CFAP43: variants seen among roughly 807,000 people sequenced by gnomAD.
CFAP43 encodes the protein cilia- and flagella-associated protein 43.
Under a neutral mutation model 218.9 loss-of-function variants are expected in CFAP43, and 155 were observed. The observed-to-expected ratio is 0.71, with a 90% CI of 0.62 to 0.81. The LOEUF (loss-of-function observed/expected upper bound fraction) is 0.81. Ranked by LOEUF, CFAP43 falls within the 30% of genes least tolerant of loss-of-function variation. The probability of loss-of-function intolerance (pLI) is 0.00; values close to 1 mark genes in which losing one functional copy is unlikely to be tolerated. For synonymous variants in CFAP43, 645 were observed against 681.3 expected, an observed-to-expected ratio of 0.95 and a Z score of 0.83; for missense variants, 1,778 against 1,954.3, an observed-to-expected ratio of 0.91 and a Z score of 1.70.
At chr10:104,209,057 T>C (rs1049492724) in intron 5 of CFAP43, among the ~76,000 whole-genome samples, 1 of 152,202 alleles carries the variant, frequency 6.6e-6, no homozygotes, top group East Asian at 1.9e-4. Flanking sequence ...CCACAACTTA[T>C]CCATTTTTAA....
At chr10:104,164,328 A>C in intron 23 of CFAP43, 28 bp from the exon 24 acceptor site, 1 of 1,434,642 alleles carries the variant, frequency 7.0e-7, no homozygotes, top group Non-Finnish European at 9.6e-7. Context: ...TACTGAAAAC[A>C]CATCACATAT....
In CFAP43 at chr10:104,226,765, A is replaced by G. The variant is rs1669103013; in HGVS notation, c.320-1208T>C. 2.0e-5 allele frequency among the ~76,000 whole-genome samples: 3 copies of G among 152,270 alleles called. No individual in the cohort carries two copies. In the South Asian group the frequency reaches 6.2e-4, roughly 32 times the overall value. On this transcript the variant is annotated intron_variant, in intron 2 of 37. Transcript: ENST00000357060. Reference sequence around the variant, plus strand: ...CCGGGCGAGATGGCTCACACCTGAAATCCCAGCACTTTGGGAGGGGAAGGC... The same window carrying G: ...CCGGGCGAGATGGCTCACACCTGAAGTCCCAGCACTTTGGGAGGGGAAGGC...
chr10:104,161,185 A>C (rs775101314), intron 26 of CFAP43, 23 bp from the exon 27 acceptor site: 9 of 1,609,314 alleles, frequency 5.6e-6, no homozygotes, highest in African/African-American at 1.3e-5. Flanking sequence ...AGAAAAGCAT[A>C]TATTTCAGCT....
chr10:104,232,331 C>A lies in CFAP43; in HGVS notation c.-85G>T. 2 of 1,321,356 alleles carry A rather than the reference C, an allele frequency of 1.5e-6. No homozygotes were observed. The highest frequency in any genetic ancestry group is 3.0e-5 in the South Asian group (2 of 67,114). The allele number at this position is 1,321,356 out of a possible 1,614,324, so 81.9% of individuals were successfully genotyped here. ...TTACCTTTCCGCCGCCGCGGGGCTG[C>A]GGGCCGCGACGCCGCTGCTGTGTAC... On this transcript the variant is annotated 5_prime_UTR_variant, in exon 1 of 38. Coordinates refer to ENST00000357060, the MANE Select transcript of CFAP43 (RefSeq NM_025145.7).
At chr10:104,193,760 C>A in intron 11 of CFAP43, 106 bp downstream of exon 11, 1 of 1,403,650 alleles carries the variant, frequency 7.1e-7, no homozygotes, top group Non-Finnish European at 9.5e-7. Context: ...ACATTCAAAA[C>A]AAATGAAACA....
intron 13 of CFAP43, 60 bp from the exon 14 acceptor site, chr10:104,187,552 A>T (rs1030875387): frequency 3.6e-5 from 49 of 1,372,514 alleles, no homozygotes; most frequent in Admixed American, 5.5e-5. Context: ...TTGTTTTTTT[A>T]AAATTATGAA....
chr10:104,168,415 C>G (rs1341486918), intron 21 of CFAP43, among the ~76,000 whole-genome samples: 1 of 152,138 alleles, frequency 6.6e-6, no homozygotes, highest in Non-Finnish European at 1.5e-5. Context: ...AAACATGAAC[C>G]AGATTTCGTC....
intron 12 of CFAP43, among the ~76,000 whole-genome samples, chr10:104,190,135 CAA>C (rs59257656): frequency 0.078 from 3,971 of 50,596 alleles, 23 homozygotes; most frequent in Middle Eastern, 0.11. Flanking sequence ...GACTCCATCT[CAA>C]AAAAAAAAAA....
At chr10:104,167,183 T>C (rs1017738253) in intron 22 of CFAP43, among the ~76,000 whole-genome samples, 22 of 152,320 alleles carry the variant, frequency 1.4e-4, no homozygotes, top group African/African-American at 5.3e-4. Context: ...GGCAGTGTTT[T>C]TTTAGTGGTT....
At chr10:104,171,225 T>C (rs1044229646) in intron 20 of CFAP43, among the ~76,000 whole-genome samples, 6 of 152,194 alleles carry the variant, frequency 3.9e-5, no homozygotes, top group African/African-American at 1.4e-4. Context: ...TTTATTCTAT[T>C]CCCAGCACCT....
intron 3 of CFAP43, among the ~76,000 whole-genome samples, chr10:104,216,542 A>G (rs1309089729): frequency 6.6e-6 from 1 of 152,148 alleles, no homozygotes; most frequent in African/African-American, 2.4e-5. Flanking sequence ...TCCTGGGGAC[A>G]ATCACGACAA....
At chr10:104,179,808 T>C (rs760565670) in intron 18 of CFAP43, 32 bp downstream of exon 18, 3 of 1,535,374 alleles carry the variant, frequency 2.0e-6, no homozygotes, top group South Asian at 2.3e-5. Context: ...TACAGAGCAC[T>C]ATTTCAAACC....
chr10:104,134,044 A>G (rs1251590430), intron 34 of CFAP43, among the ~76,000 whole-genome samples: 1 of 152,138 alleles, frequency 6.6e-6, no homozygotes, highest in East Asian at 1.9e-4. Context: ...TTAGGCAGGA[A>G]CTTTTTTTTG....
intron 4 of CFAP43, among the ~76,000 whole-genome samples, chr10:104,213,684 C>T (rs775973261): frequency 1.3e-5 from 2 of 151,970 alleles, no homozygotes; most frequent in African/African-American, 2.4e-5. Flanking sequence ...TACAAGCATG[C>T]GCCACCATGC....
chr10:104,184,462 C>CTTTTTTTT (rs34684487), intron 16 of CFAP43, among the ~76,000 whole-genome samples: 25 of 142,080 alleles, frequency 1.8e-4, no homozygotes, highest in Non-Finnish European at 1.7e-4. Flanking sequence ...TTAACTATGT[C>CTTTTTTTT]TTTTTTTTTT....
At chr10:104,145,739 G>T (rs901506006) in intron 30 of CFAP43, among the ~76,000 whole-genome samples, 175 bp from the exon 31 acceptor site, 1 of 152,160 alleles carries the variant, frequency 6.6e-6, no homozygotes, top group African/African-American at 2.4e-5. Context: ...TCAAAGATTT[G>T]TTTTGATAAG....
At chr10:104,180,069 G>T in intron 17 of CFAP43, 137 bp from the exon 18 acceptor site, 1 of 679,522 alleles carries the variant, frequency 1.5e-6, no homozygotes, top group Non-Finnish European at 2.5e-6. Flanking sequence ...CCAACATTTT[G>T]TCTGCCCAAG....
chr10:104,134,718 A>C (rs1357147181), intron 34 of CFAP43, among the ~76,000 whole-genome samples: 2 of 152,136 alleles, frequency 1.3e-5, no homozygotes, highest in African/African-American at 2.4e-5. Flanking sequence ...AAAACAAGTA[A>C]ATAATTGAAT....
chr10:104,166,819 G>T, intron 22 of CFAP43, 101 bp from the exon 23 acceptor site: 1 of 1,078,200 alleles, frequency 9.3e-7, no homozygotes. Context: ...ATTTTAATTT[G>T]TTGAATTGTC....
Sources: allele counts gnomAD v4.1 joint callset (sites outside exome capture counted in the v4.1 genomes callset), GRCh38; gene constraint gnomAD v4.1.1; transcripts MANE v1.5; gene names NCBI Gene and HGNC (gene_info 2026-07-23, HGNC 2026-07-21).